DHX8: variants seen among roughly 807,000 people sequenced by gnomAD.
The protein encoded by DHX8 is ATP-dependent RNA helicase DHX8.
A neutral mutation model predicts 140.7 loss-of-function variants in DHX8; 67 were observed. The ratio of observed to expected loss-of-function variants is 0.48; its 90% CI spans 0.39 to 0.58. DHX8 has a LOEUF of 0.58. Among genes scored for constraint, DHX8 ranks in the 20% least tolerant of loss-of-function variants. The pLI is 0.00. For synonymous variants in DHX8, 533 were observed against 553.2 expected, an observed-to-expected ratio of 0.96 and a Z score of 0.51; for missense variants, 887 against 1,550.7, an observed-to-expected ratio of 0.57 and a Z score of 7.19.
chr17:43,520,615 A>G, intron 19 of DHX8, 136 bp from the exon 20 acceptor site: 2 of 994,486 alleles, frequency 2.0e-6, no homozygotes, highest in Non-Finnish European at 1.5e-6. Context: ...TTCTTCTGAT[A>G]GAGAAAGGCA....
At chr17:43,498,569 C>T (rs1053900866) in intron 9 of DHX8, among the ~76,000 whole-genome samples, 6 of 151,988 alleles carry the variant, frequency 3.9e-5, no homozygotes, top group South Asian at 2.1e-4. Context: ...CCTGTCTCAG[C>T]CTCTTGAGTA....
At position 43,508,434 on chromosome 17, in the gene DHX8, G is replaced by A; in HGVS notation, c.2416G>A (p.Glu806Lys). Residue 806 changes from glutamate to lysine, a missense_variant, in exon 16 of 23, where the codon GAG becomes AAG. By Grantham distance (56) the Glu-to-Lys change is moderately conservative. Coordinates refer to ENST00000262415, the MANE Select transcript of DHX8 (RefSeq NM_004941.3). ...GAAATCCCTGGGACCTGATGTTCCAGAGTTAATTATCCTCCCAGTGTACTC... is the reference window on the plus strand; with the variant it reads ...GAAATCCCTGGGACCTGATGTTCCAAAGTTAATTATCCTCCCAGTGTACTC... ...RMKSLGPDVP[E>K]LIILPVYSAL... is the part of the protein sequence containing the mutation. 1 of 1,613,934 alleles carries A rather than the reference G, an allele frequency of 6.2e-7. No homozygotes were observed. Among genetic ancestry groups the A allele is most frequent in the Non-Finnish European group, 8.5e-7 (1 of 1,179,930 alleles).
At chr17:43,529,597 T>C (rs143012197), downstream of DHX8, 33 of 1,613,802 alleles carry the variant, frequency 2.0e-5, no homozygotes, top group Non-Finnish European at 2.5e-5. Flanking sequence ...CCACCAGAAA[T>C]TGCCACAGCT....
intron 1 of DHX8, among the ~76,000 whole-genome samples, chr17:43,485,204 G>A (rs1159765167): frequency 6.6e-6 from 1 of 152,146 alleles, no homozygotes; most frequent in Non-Finnish European, 1.5e-5. Context: ...GAGATTGGTG[G>A]TGGGAAGATG....
At chr17:43,493,218 T>G (rs1968642103) in intron 6 of DHX8, among the ~76,000 whole-genome samples, 178 bp downstream of exon 6, 1 of 152,216 alleles carries the variant, frequency 6.6e-6, no homozygotes, top group South Asian at 2.1e-4. Context: ...CCTTTCTCTG[T>G]CTTCAGGAGA....
At chr17:43,484,708 C>T (rs1472790971) in intron 1 of DHX8, among the ~76,000 whole-genome samples, 4 of 152,188 alleles carry the variant, frequency 2.6e-5, no homozygotes, top group South Asian at 2.1e-4. Flanking sequence ...GTGGCACGAT[C>T]TCGGCTCACT....
chr17:43,516,701 G>A (rs1458221922), intron 17 of DHX8, among the ~76,000 whole-genome samples: 1 of 151,908 alleles, frequency 6.6e-6, no homozygotes, highest in African/African-American at 2.4e-5. Context: ...TGCCCACCTT[G>A]GCCTCCCAAA....
intron 8 of DHX8, 21 bp downstream of exon 8, chr17:43,493,907 T>G (rs1248909639): frequency 6.2e-7 from 1 of 1,613,454 alleles, no homozygotes; most frequent in Admixed American, 1.7e-5. Flanking sequence ...TTAGTTTTCA[T>G]GACCAGATAG....
intron 10 of DHX8, 28 bp downstream of exon 10, chr17:43,498,987 A>G: frequency 1.3e-6 from 2 of 1,534,808 alleles, no homozygotes; most frequent in Non-Finnish European, 1.8e-6. Flanking sequence ...TTTAACCTGG[A>G]AATGTCAAGT....
intron 2 of DHX8, chr17:43,532,860 AGGGGGCTGG>A: frequency 6.2e-7 from 1 of 1,613,120 alleles, no homozygotes; most frequent in Non-Finnish European, 8.5e-7. Flanking sequence ...TGGTGTTGGT[AGGGGGCTGG>A]GAGGGGTTCC....
intron 3 of DHX8, among the ~76,000 whole-genome samples, chr17:43,543,484 C>T (rs1371702476): frequency 1.3e-5 from 2 of 152,152 alleles, no homozygotes; most frequent in African/African-American, 2.4e-5. Flanking sequence ...ACCCCTAGCT[C>T]ACAGCCCTAG....
chr17:43,522,233 G>C lies in DHX8; in HGVS notation c.3443+7G>C. On this transcript the variant is annotated splice_region_variant and intron_variant, in intron 22 of 22. Coordinates refer to ENST00000262415, the MANE Select transcript of DHX8 (RefSeq NM_004941.3). ...TCAACAGACAGCCAGAATGGTAGGT[G>C]GACATGTCCCAGGGTCTAGGGGCTT... is the stretch of plus-strand genomic sequence containing the variant. 6.2e-7 allele frequency: 1 copy of C among 1,611,274 alleles called. No individual in the cohort carries two copies. Among genetic ancestry groups the C allele is most frequent in the South Asian group, 1.1e-5 (1 of 90,932 alleles).
intron 11 of DHX8, among the ~76,000 whole-genome samples, chr17:43,502,398 A>G (rs1394861689): frequency 6.6e-6 from 1 of 151,936 alleles, no homozygotes; most frequent in Non-Finnish European, 1.5e-5. Context: ...ATTTTATTTT[A>G]TTTTGTTTTG....
intron 2 of DHX8, chr17:43,533,913 C>T: frequency 1.3e-6 from 2 of 1,592,446 alleles, no homozygotes; most frequent in Non-Finnish European, 1.7e-6. Context: ...CTTCCTGCTG[C>T]AGGACAGGGC....
rs1968688356 is a variant in DHX8 at position 43,493,847 on chromosome 17, C to T, written c.1173C>T (p.Leu391=). 1 of 1,614,210 alleles carries T rather than the reference C, an allele frequency of 6.2e-7. No homozygotes were observed. The change falls in exon 8 of 23, where the codon CTC becomes CTT. Residue 391 remains leucine, a synonymous_variant. Coordinates refer to ENST00000262415, the MANE Select transcript of DHX8 (RefSeq NM_004941.3). ...VEDDSLERKR[L]TRISDPEKWE... is the part of the protein sequence containing the mutation. Reference sequence around the variant, plus strand: ...ACGACTCACTGGAACGCAAGCGCCTCACCCGAATCTCTGACCCAGAGAAGT... The same window carrying T: ...ACGACTCACTGGAACGCAAGCGCCTTACCCGAATCTCTGACCCAGAGAAGT...
chr17:43,495,531 G>A (rs1167763531), intron 8 of DHX8, among the ~76,000 whole-genome samples: 1 of 152,136 alleles, frequency 6.6e-6, no homozygotes, highest in Non-Finnish European at 1.5e-5. Flanking sequence ...TCTTGTCTCA[G>A]CCTCCCAAAG....
chr17:43,492,020 C>G (rs765409027), intron 4 of DHX8, among the ~76,000 whole-genome samples, 163 bp from the exon 5 acceptor site: 2 of 152,164 alleles, frequency 1.3e-5, no homozygotes, highest in South Asian at 2.1e-4. Context: ...TTCTCAAGAG[C>G]CTTTTTTCCA....
In DHX8 at chr17:43,512,502, G is replaced by A. The variant is rs547735909; in HGVS notation, c.2503-860G>A. 3.9e-5 allele frequency among the ~76,000 whole-genome samples: 6 copies of A among 152,262 alleles called. No homozygotes were observed. In the South Asian group the frequency reaches 1.2e-3, roughly 32 times the overall value. On this transcript the variant is annotated intron_variant, in intron 16 of 22. Coordinates refer to ENST00000262415, the MANE Select transcript of DHX8 (RefSeq NM_004941.3). The stretch of plus-strand genomic sequence containing the variant: ...AGGGTGAGGGAAGTCAGGCATGACT[G>A]TCAGGTTTCTGGCTTGGGCAGCTGG...
At position 43,520,802 on chromosome 17, in the gene DHX8, G is replaced by C. The variant is rs1462825313; in HGVS notation, c.2989G>C (p.Val997Leu). The change falls in exon 20 of 23, where the codon GTG (valine) becomes CTG (leucine). Residue 997 changes from valine (V) to leucine (L), a missense_variant. Physicochemically the swap from Val to Leu is conservative, Grantham distance 32. Around this residue, in one of 9 missense-constraint regions of DHX8, gnomAD observed 151 missense variants for 388.3 expected, o/e 0.39. Coordinates refer to ENST00000262415, the MANE Select transcript of DHX8 (RefSeq NM_004941.3). ...PMLCKMLIMS[V>L]HLGCSEEMLT... ...GCTATGCAAAATGCTCATCATGTCT[G>C]TGCATCTGGGCTGCAGTGAGGAAAT... The C allele has an allele frequency of 6.2e-7, 1 of 1,614,062 alleles. No individual in the cohort carries two copies. Among genetic ancestry groups the C allele is most frequent in the Non-Finnish European group, 8.5e-7 (1 of 1,180,002 alleles).
Sources: allele counts gnomAD v4.1 joint callset (sites outside exome capture counted in the v4.1 genomes callset), GRCh38; gene constraint gnomAD v4.1.1; regional missense constraint gnomAD v4.1.1; transcripts MANE v1.5; gene names NCBI Gene and HGNC (gene_info 2026-07-23, HGNC 2026-07-21).